NAALADL2: variants seen among roughly 807,000 people sequenced by gnomAD.
NAALADL2 encodes the protein N-acetylated alpha-linked acidic dipeptidase like 2, also known as inactive N-acetylated-alpha-linked acidic dipeptidase-like protein 2.
In NAALADL2, 76 loss-of-function variants were observed where a neutral mutation model predicts 87.2. The ratio of observed to expected loss-of-function variants is 0.87; its 90% CI spans 0.72 to 1.05. NAALADL2 has a LOEUF of 1.05. Among genes scored for constraint, NAALADL2 ranks in the 50% least tolerant of loss-of-function variants. The pLI, the probability that NAALADL2 is intolerant of heterozygous loss-of-function variation, is 0.00. For synonymous variants in NAALADL2, 354 were observed against 331.0 expected (o/e 1.07, Z -0.75); for missense variants, 1,089 against 945.8 (o/e 1.15, Z -1.99).
intron 9 of NAALADL2, among the ~76,000 whole-genome samples, chr3:175,491,736 G>T (rs1560642822): frequency 6.6e-6 from 1 of 152,076 alleles, no homozygotes; most frequent in Non-Finnish European, 1.5e-5. Context: ...CTACACATGA[G>T]GATTACCTGA....
intron 5 of NAALADL2, among the ~76,000 whole-genome samples, chr3:175,409,212 C>T (rs1712997130): frequency 6.6e-6 from 1 of 151,468 alleles, no homozygotes; most frequent in Admixed American, 6.6e-5. Flanking sequence ...ACCATAAACT[C>T]TATAGTTGTG....
Position 174,849,034 on chromosome 3 carries a change from A to G in NAALADL2, c.-9+111288A>G, listed in dbSNP as rs142412595. The stretch of plus-strand genomic sequence containing the variant: ...AAACATGGAAAAGGTACAGAAAAAT[A>G]TGATATAAAAGATTAGAAATGGTAC... On this transcript the variant is annotated intron_variant, in intron 3 of 3. Coordinates refer to the NAALADL2 transcript ENST00000434257. Among the ~76,000 whole-genome samples, 112 of 152,280 alleles carry G rather than the reference A, an allele frequency of 7.4e-4. 5 individuals carry two copies. In the East Asian group the frequency reaches 0.021, roughly 28 times the overall value.
At chr3:175,165,797 T>G (rs1418160224) in intron 2 of NAALADL2, among the ~76,000 whole-genome samples, 2 of 152,078 alleles carry the variant, frequency 1.3e-5, no homozygotes, top group Non-Finnish European at 2.9e-5. Context: ...TGCCTGATAC[T>G]CCTCCCAAAC....
chr3:175,035,179 A>C (rs1753263388), intron 1 of NAALADL2, among the ~76,000 whole-genome samples: 1 of 152,178 alleles, frequency 6.6e-6, no homozygotes, highest in Non-Finnish European at 1.5e-5. Context: ...TGCATGACCT[A>C]TGCCTAGGTT....
chr3:175,645,036 G>A (rs1040835337), intron 11 of NAALADL2, among the ~76,000 whole-genome samples: 2 of 151,956 alleles, frequency 1.3e-5, no homozygotes, highest in African/African-American at 4.8e-5. Context: ...TCGTTTTATA[G>A]ATAATTAACT....
At chr3:175,516,782 G>A (rs1731900681) in intron 9 of NAALADL2, among the ~76,000 whole-genome samples, 1 of 152,086 alleles carries the variant, frequency 6.6e-6, no homozygotes, top group East Asian at 1.9e-4. Context: ...GCCATAAGAG[G>A]ACTCAATATT....
chr3:175,166,567 AT>A (rs35994437), intron 2 of NAALADL2, among the ~76,000 whole-genome samples: 10 of 149,394 alleles, frequency 6.7e-5, no homozygotes, highest in South Asian at 2.1e-4. Flanking sequence ...AACACCACAC[AT>A]TTTTTTTTTA....
intron 3 of NAALADL2, among the ~76,000 whole-genome samples, chr3:174,819,082 TTTTTG>T (rs1721131995): frequency 1.5e-5 from 2 of 133,544 alleles, no homozygotes; most frequent in Non-Finnish European, 3.2e-5. Context: ...TTTTTTTTTT[TTTTTG>T]GAGACAGGAT....
At chr3:174,975,007 G>T (rs1218205877) in intron 1 of NAALADL2, among the ~76,000 whole-genome samples, 6 of 152,078 alleles carry the variant, frequency 3.9e-5, no homozygotes, top group Admixed American at 2.0e-4. Context: ...CAGTCAATTT[G>T]TTTTTAATGA....
intron 1 of NAALADL2, among the ~76,000 whole-genome samples, chr3:174,519,294 G>T (rs1720117460): frequency 2.0e-5 from 3 of 146,384 alleles, no homozygotes; most frequent in South Asian, 2.2e-4. Flanking sequence ...CCTCAGCAAA[G>T]TTTTTGAAAC....
intron 1 of NAALADL2, among the ~76,000 whole-genome samples, chr3:174,970,800 C>G (rs1192550498): frequency 1.3e-5 from 2 of 152,160 alleles, no homozygotes; most frequent in African/African-American, 2.4e-5. Flanking sequence ...TATATGGTCT[C>G]ATTAACCCTT....
intron 9 of NAALADL2, among the ~76,000 whole-genome samples, chr3:175,505,693 T>C (rs767160978): frequency 5.9e-5 from 9 of 152,084 alleles, no homozygotes; most frequent in Non-Finnish European, 1.3e-4. Flanking sequence ...ACAATAAAAA[T>C]GTGTTCAAGA....
At chr3:174,855,758 G>C (rs989230817), upstream of NAALADL2, among the ~76,000 whole-genome samples, 1 of 138,732 alleles carries the variant, frequency 7.2e-6, no homozygotes, top group African/African-American at 2.7e-5. Flanking sequence ...TGGCATAACA[G>C]AGTGTCAGGA....
intron 1 of NAALADL2, among the ~76,000 whole-genome samples, chr3:175,054,384 A>T (rs568993761): frequency 1.3e-5 from 2 of 152,272 alleles, no homozygotes; most frequent in Admixed American, 6.5e-5. Context: ...TTAAGGGCCA[A>T]TTTTTTGGAA....
At chr3:175,362,917 A>T (rs916990370) in intron 5 of NAALADL2, among the ~76,000 whole-genome samples, 2 of 147,546 alleles carry the variant, frequency 1.4e-5, no homozygotes, top group Non-Finnish European at 3.0e-5. Context: ...TTTGATTTTC[A>T]TTTCCCTGAT....
chr3:174,990,869 T>C (rs9813316), intron 1 of NAALADL2, among the ~76,000 whole-genome samples: 51,473 of 151,910 alleles, frequency 0.34, 12,359 homozygotes, highest in African/African-American at 0.68. Context: ...TCTCTACAAG[T>C]GAATCTATTT....
At chr3:175,558,111 C>A (rs780185358) in intron 9 of NAALADL2, among the ~76,000 whole-genome samples, 14 of 144,036 alleles carry the variant, frequency 9.7e-5, no homozygotes, top group South Asian at 9.1e-4. Flanking sequence ...AGGAGAATGG[C>A]GTGAACCCGG....
Position 174,979,108 on chromosome 3 carries a change from T to A in NAALADL2, c.44-117682T>A, listed in dbSNP as rs1434141178. Among the ~76,000 whole-genome samples the A allele has an allele frequency of 2.0e-5, 3 of 152,080 alleles. No homozygotes were observed. The East Asian group carries it at 5.8e-4, about 29-fold the overall frequency. On this transcript the variant is annotated intron_variant, in intron 1 of 13. Coordinates refer to ENST00000454872, the MANE Select transcript of NAALADL2 (RefSeq NM_207015.3). ...CTTTAAGACAGTTTCTAAAATATTC[T>A]TCAGAATTTCTTAGTAAATTGGTTT... is the stretch of plus-strand genomic sequence containing the variant.
At chr3:174,870,040 T>A (rs1385789630) in intron 1 of NAALADL2, among the ~76,000 whole-genome samples, 2 of 146,462 alleles carry the variant, frequency 1.4e-5, no homozygotes, top group Non-Finnish European at 3.0e-5. Context: ...AGGCTAATTA[T>A]GAAGTCAGTT....
Sources: allele counts gnomAD v4.1 joint callset (sites outside exome capture counted in the v4.1 genomes callset), GRCh38; gene constraint gnomAD v4.1.1; transcripts MANE v1.5; gene names NCBI Gene and HGNC (gene_info 2026-07-23, HGNC 2026-07-21).